The following FARSB variants were observed in gnomAD, a reference collection of about 807,000 sequenced individuals.
The protein encoded by FARSB is phenylalanyl-tRNA synthetase subunit beta.
A neutral mutation model predicts 69.6 loss-of-function variants in FARSB; 40 were observed. The ratio of observed to expected loss-of-function variants is 0.57; its 90% CI spans 0.45 to 0.75. The LOEUF (loss-of-function observed/expected upper bound fraction) is 0.75, where lower values mean the gene tolerates loss of function less well. Ranked by LOEUF, FARSB falls within the 30% of genes least tolerant of loss-of-function variation. The pLI, the probability that FARSB is intolerant of heterozygous loss-of-function variation, is 0.00. For synonymous variants in FARSB, 235 were observed against 247.2 expected, an observed-to-expected ratio of 0.95 and a Z score of 0.46; for missense variants, 632 against 722.9, an observed-to-expected ratio of 0.87 and a Z score of 1.44.
chr2:222,599,989 CA>C lies in FARSB; in HGVS notation c.1556del (p.Met519SerfsTer16). ...EIIHGLLDRIMQLLDVPPGED... is the reference protein window; with the variant it reads ...EIIHGLLDRIXQLLDVPPGED... ...CACCAGGAGGCACATCGAGCAACTG[CA>C]TAATTCTGTCCAGCAGCCCATGAAT... is the stretch of plus-strand genomic sequence containing the variant. On this transcript the variant is annotated frameshift_variant, in exon 16 of 17. Transcript: ENST00000281828. LOFTEE classifies it high-confidence loss of function. 6.2e-7 allele frequency: 1 copy of C among 1,612,324 alleles called. No individual in the cohort carries two copies. Among genetic ancestry groups the C allele is most frequent in the Non-Finnish European group, 8.5e-7 (1 of 1,179,534 alleles).
chr2:222,652,119 CT>C (rs1186098592), intron 1 of FARSB, among the ~76,000 whole-genome samples: 1 of 152,174 alleles, frequency 6.6e-6, no homozygotes, highest in Non-Finnish European at 1.5e-5. Context: ...GATAAATGGT[CT>C]CTCGAGTCTC....
chr2:222,621,217 G>A (rs1691126888), intron 13 of FARSB, among the ~76,000 whole-genome samples: 1 of 152,204 alleles, frequency 6.6e-6, no homozygotes, highest in Non-Finnish European at 1.5e-5. Context: ...CATGGCAATG[G>A]ATAATAAGGG....
chr2:222,597,076 T>C (rs1488727213), intron 16 of FARSB, among the ~76,000 whole-genome samples: 1 of 152,120 alleles, frequency 6.6e-6, no homozygotes, highest in Non-Finnish European at 1.5e-5. Flanking sequence ...CAGAGCTAGA[T>C]GTGTGCCCAG....
At chr2:222,636,013 A>G (rs189538808) in intron 5 of FARSB, among the ~76,000 whole-genome samples, 59 of 151,942 alleles carry the variant, frequency 3.9e-4, no homozygotes, top group Admixed American at 1.2e-3. Flanking sequence ...CAGGAAGGTC[A>G]AGGCTATAGT....
chr2:222,633,223 GGAC>G lies in FARSB; in HGVS notation c.688_690del (p.Val230del). The G allele has an allele frequency of 6.4e-7, 1 of 1,555,126 alleles. No homozygotes were observed. The highest frequency in any genetic ancestry group is 8.9e-7 in the Non-Finnish European group (1 of 1,127,184). On this transcript the variant is annotated inframe_deletion, in exon 7 of 17. Transcript: ENST00000281828. ...CCATTGATGATGGGAGGCATTGAAA[GGAC>G]GACACCATTGCTATCATAGATAACT...
intron 5 of FARSB, among the ~76,000 whole-genome samples, chr2:222,638,161 T>TA (rs1456416756): frequency 1.3e-5 from 2 of 152,210 alleles, no homozygotes; most frequent in African/African-American, 4.8e-5. Flanking sequence ...TTTAATAACT[T>TA]AGACAATATC....
intron 13 of FARSB, 132 bp from the exon 14 acceptor site, chr2:222,619,869 C>G (rs1358777153): frequency 1.9e-6 from 1 of 530,270 alleles, no homozygotes; most frequent in Non-Finnish European, 3.4e-6. Context: ...AAGAATAGGC[C>G]TGGTGTGAGC....
chr2:222,642,180 T>C (rs1397354709), intron 3 of FARSB, among the ~76,000 whole-genome samples: 1 of 152,180 alleles, frequency 6.6e-6, no homozygotes, highest in Non-Finnish European at 1.5e-5. Context: ...TTCATATTTT[T>C]AGTAGAGACG....
In FARSB at chr2:222,567,226, G is replaced by T. The variant is rs1689649603; in HGVS notation, c.*4645C>A. On this transcript the variant is annotated 3_prime_UTR_variant, in exon 17 of 17. Transcript: ENST00000281828. The stretch of plus-strand genomic sequence containing the variant: ...TCAGAGGGTCAACATGAATTTGTGG[G>T]GATACATTCAGTCCATAATAATATA... The T allele has an allele frequency of 6.6e-6, 1 of 152,136 alleles. No individual in the cohort carries two copies. Among genetic ancestry groups the T allele is most frequent in the African/African-American group, 2.4e-5 (1 of 41,412 alleles). 9.4% of individuals were successfully genotyped at this position (152,136 alleles called of 1,614,324 possible).
At chr2:222,595,316 C>T (rs1383236285) in intron 16 of FARSB, among the ~76,000 whole-genome samples, 1 of 152,126 alleles carries the variant, frequency 6.6e-6, no homozygotes, top group African/African-American at 2.4e-5. Flanking sequence ...TCATGTTACA[C>T]TAAAAACCAG....
chr2:222,637,274 G>A (rs1443795018), intron 5 of FARSB, among the ~76,000 whole-genome samples: 1 of 152,188 alleles, frequency 6.6e-6, no homozygotes, highest in Non-Finnish European at 1.5e-5. Flanking sequence ...GGTGAGCCCT[G>A]ACTATAGGGC....
chr2:222,621,359 G>T (rs774707138), intron 13 of FARSB, among the ~76,000 whole-genome samples: 1 of 152,068 alleles, frequency 6.6e-6, no homozygotes, highest in Non-Finnish European at 1.5e-5. Context: ...TGCAATCTCG[G>T]CTTGCTGCAA....
intron 1 of FARSB, among the ~76,000 whole-genome samples, chr2:222,650,919 C>T (rs1350637071): frequency 6.6e-6 from 1 of 152,150 alleles, no homozygotes; most frequent in Non-Finnish European, 1.5e-5. Flanking sequence ...TAATTTGTTA[C>T]GTAGCAACAG....
At position 222,567,519 on chromosome 2, in the gene FARSB, G is replaced by A. The variant is rs146257459; in HGVS notation, c.*4352C>T. 78 of 152,340 alleles carry A rather than the reference G, an allele frequency of 5.1e-4. No homozygotes were observed. The highest frequency in any genetic ancestry group is 1.6e-3 in the African/African-American group (67 of 41,578). 9.4% of individuals were successfully genotyped at this position (152,340 alleles called of 1,614,324 possible). A position where few individuals can be genotyped will look rare whatever the true frequency, so the allele number is the denominator to read the frequency against. ...TAATGTTCTCTCTTACCAAGCTGATGAGCCCATCATTGCTGAGAGCAGGGG... is the reference window on the plus strand; with the variant it reads ...TAATGTTCTCTCTTACCAAGCTGATAAGCCCATCATTGCTGAGAGCAGGGG... On this transcript the variant is annotated 3_prime_UTR_variant, in exon 17 of 17. Coordinates refer to ENST00000281828, the MANE Select transcript of FARSB (RefSeq NM_005687.5).
chr2:222,609,766 A>G (rs1209488288), intron 15 of FARSB, among the ~76,000 whole-genome samples: 2 of 152,214 alleles, frequency 1.3e-5, no homozygotes, highest in Non-Finnish European at 2.9e-5. Context: ...AAAAGTCTAC[A>G]TTAGAATAAG....
intron 15 of FARSB, among the ~76,000 whole-genome samples, chr2:222,602,779 G>A (rs181455612): frequency 6.6e-6 from 1 of 152,116 alleles, no homozygotes; most frequent in African/African-American, 2.4e-5. Context: ...AGAACGTGGT[G>A]TATCTTCCCA....
rs201121026 is a variant in FARSB, at chr2:222,634,501, T to A, written c.496A>T (p.Thr166Ser). Residue 166 changes from threonine to serine, a missense_variant, in exon 6 of 17, where the codon ACT (threonine) becomes TCT (serine). By Grantham distance (58) the Thr-to-Ser change is moderately conservative (BLOSUM62 1). Transcript: ENST00000281828. ...LVAIGTHDLD[T>S]LSGPFTYTAK... ...GTATAAGTAAATGGGCCCGACAAAG[T>A]GTCCAAATCATGGGTACCAATGGCA... 6 of 1,613,300 alleles carry A rather than the reference T, an allele frequency of 3.7e-6. 1 individual carries two copies. Among genetic ancestry groups the A allele is most frequent in the South Asian group, 3.3e-5 (3 of 90,996 alleles).
intron 12 of FARSB, 143 bp downstream of exon 12, chr2:222,624,129 A>G: frequency 1.5e-6 from 1 of 645,516 alleles, no homozygotes; most frequent in East Asian, 2.6e-5. Context: ...TCTGTTTTGT[A>G]TCCTCTCCAC....
intron 16 of FARSB, among the ~76,000 whole-genome samples, chr2:222,586,371 G>A (rs1254768845): frequency 6.6e-6 from 1 of 152,134 alleles, no homozygotes; most frequent in Middle Eastern, 3.2e-3. Context: ...CACTAAACAT[G>A]GAAAGGAACA....
Sources: gnomAD v4.1 joint callset for allele counts (sites outside exome capture counted in the v4.1 genomes callset) on GRCh38, gnomAD v4.1.1 for gene constraint, MANE v1.5 for transcripts, NCBI Gene and HGNC (gene_info 2026-07-23, HGNC 2026-07-21) for gene names.